Variants in TTBK2 observed in about 807,000 individuals in gnomAD.
TTBK2 encodes the protein tau-tubulin kinase 2.
In TTBK2, 28 loss-of-function variants were observed where a neutral mutation model predicts 110.8. That is an observed-to-expected ratio of 0.25 (90% confidence interval 0.19 to 0.35). The LOEUF is 0.35. TTBK2 is among the 10% of genes least tolerant of loss of function. TTBK2 has a pLI of 1.00. For missense variants in TTBK2, 1,369 were observed against 1,500.3 expected (o/e 0.91, Z 1.45); for synonymous variants, 532 against 527.3 (o/e 1.01, Z -0.12).
intron 1 of TTBK2, among the ~76,000 whole-genome samples, chr15:42,918,457 G>A (rs1407561700): frequency 6.6e-6 from 1 of 152,068 alleles, no homozygotes; most frequent in Non-Finnish European, 1.5e-5. Flanking sequence ...TCTCTCATGA[G>A]TTGCAATCAA....
Position 42,752,664 on chromosome 15 carries a change from G to A in TTBK2, c.2582C>T (p.Pro861Leu), listed in dbSNP as rs377202158. ...TSEISSRDID[P>L]HVEGQIGQVA... is the part of the protein sequence containing the mutation. ...TTGGCCTATCTGACCTTCAACATGTGGGTCAATGTCTCTGGAAGAAATTTC... is the reference window on the plus strand; with the variant it reads ...TTGGCCTATCTGACCTTCAACATGTAGGTCAATGTCTCTGGAAGAAATTTC... Residue 861 changes from proline to leucine, a missense_variant, in exon 14 of 15, where the codon CCA (proline) becomes CTA (leucine). Transcript: ENST00000267890. The A allele has an allele frequency of 3.1e-6, 5 of 1,614,002 alleles. No individual in the cohort carries two copies. The East Asian group carries it at 1.1e-4, about 36-fold the overall frequency.
At chr15:42,875,111 G>A (rs561159660) in intron 2 of TTBK2, among the ~76,000 whole-genome samples, 6 of 152,206 alleles carry the variant, frequency 3.9e-5, no homozygotes, top group East Asian at 3.9e-4. Context: ...GGTAGAGGTA[G>A]CTTCACGTTT....
chr15:42,861,538 A>C (rs1392746712), intron 3 of TTBK2, among the ~76,000 whole-genome samples: 2 of 152,212 alleles, frequency 1.3e-5, no homozygotes, highest in African/African-American at 4.8e-5. Context: ...AAAATCATTG[A>C]AATTAATAAA....
chr15:42,861,605 A>G (rs1320846615), intron 3 of TTBK2, among the ~76,000 whole-genome samples: 2 of 152,070 alleles, frequency 1.3e-5, no homozygotes, highest in African/African-American at 2.4e-5. Context: ...TGTTAAGAGG[A>G]AAGTTTGTAG....
chr15:42,766,304 A>T (rs1389835475), intron 13 of TTBK2, among the ~76,000 whole-genome samples: 1 of 151,988 alleles, frequency 6.6e-6, no homozygotes, highest in East Asian at 1.9e-4. Flanking sequence ...TAAATGCCCC[A>T]ATTAAAAGAC....
rs1567040860 is a variant in TTBK2, at chr15:42,816,092, ATAT to A, written c.603+937_603+939del. On this transcript the variant is annotated intron_variant, in intron 7 of 14. Transcript: ENST00000267890. Reference sequence around the variant, plus strand: ...TATAAAAATAAATAAATAAATATATATATATATATATATATATATATATATATG... The same window carrying A: ...TATAAAAATAAATAAATAAATATATAATATATATATATATATATATATATG... Among the ~76,000 whole-genome samples, 150 of 108,012 alleles carry A rather than the reference ATAT, an allele frequency of 1.4e-3. 11 individuals carry two copies. In the East Asian group the frequency reaches 0.04, roughly 29 times the overall value. 70.9% of individuals were successfully genotyped at this position (108,012 alleles called of 152,430 possible). A position where few individuals can be genotyped will look rare whatever the true frequency, so the allele number is the denominator to read the frequency against.
In TTBK2 at chr15:42,783,459, A is replaced by T. The variant is rs547332107; in HGVS notation, c.1157T>A (p.Met386Lys). The change falls in exon 11 of 15, where the codon ATG becomes AAG. Residue 386 changes from methionine to lysine, a missense_variant. Physicochemically the swap from Met to Lys is moderately conservative, Grantham distance 95 (BLOSUM62 -1). Around this residue, in one of 4 missense-constraint regions of TTBK2, gnomAD observed 1,097 missense variants for 1,114.7 expected, o/e 0.98. Transcript: ENST00000267890. Reference sequence around the variant, plus strand: ...CTTTATCTTGTTTTTGTTGGCATCCATCTCTTCCCAAACATCCTTCTCCTG... The same window carrying T: ...CTTTATCTTGTTTTTGTTGGCATCCTTCTCTTCCCAAACATCCTTCTCCTG... ...RPQEKDVWEE[M>K]DANKNKIKLG... is the part of the protein sequence containing the mutation. The T allele has an allele frequency of 1.2e-6, 2 of 1,614,148 alleles. No individual in the cohort carries two copies. Among genetic ancestry groups the T allele is most frequent in the Admixed American group, 3.3e-5 (2 of 60,018 alleles).
Position 42,742,522 on chromosome 15 carries a change from A to T in TTBK2, c.*3273T>A, listed in dbSNP as rs2140537756. ...GATTTTACTATTTCAACCAATCCATAGACCCTGAGGATTTGGCAGCAGAAT... is the reference window on the plus strand; with the variant it reads ...GATTTTACTATTTCAACCAATCCATTGACCCTGAGGATTTGGCAGCAGAAT... On this transcript the variant is annotated 3_prime_UTR_variant, in exon 15 of 15. Transcript: ENST00000267890. 1 of 152,350 alleles carries T rather than the reference A, an allele frequency of 6.6e-6. No individual in the cohort carries two copies. Among genetic ancestry groups the T allele is most frequent in the South Asian group, 2.1e-4 (1 of 4,830 alleles). The allele number at this position is 152,350 out of a possible 1,614,324, so 9.4% of individuals were successfully genotyped here.
intron 1 of TTBK2, among the ~76,000 whole-genome samples, chr15:42,915,910 C>T (rs1263437028): frequency 1.3e-5 from 2 of 151,978 alleles, no homozygotes; most frequent in Non-Finnish European, 2.9e-5. Flanking sequence ...TCATGGCACT[C>T]CAGCCTGGGC....
chr15:42,911,088 C>T (rs1043707514), intron 1 of TTBK2, among the ~76,000 whole-genome samples: 2 of 150,642 alleles, frequency 1.3e-5, no homozygotes, highest in African/African-American at 4.9e-5. Context: ...AGTTAACCTA[C>T]ATCAATTTGT....
At position 42,817,132 on chromosome 15, in the gene TTBK2, C is replaced by T. The variant is rs777046473; in HGVS notation, c.538-35G>A. On this transcript the variant is annotated intron_variant, in intron 6 of 14. Coordinates refer to ENST00000267890, the MANE Select transcript of TTBK2 (RefSeq NM_173500.4). ...AGCCATGCAAAGAATAATAAATGAG[C>T]TTCAAACAGCAATACATTCAGCACA... 2.7e-5 allele frequency: 43 copies of T among 1,574,616 alleles called. No homozygotes were observed. The East Asian group carries it at 9.8e-4, about 36-fold the overall frequency.
At chr15:42,797,209 G>C (rs1595920072) in intron 9 of TTBK2, among the ~76,000 whole-genome samples, 1 of 152,250 alleles carries the variant, frequency 6.6e-6, no homozygotes, top group African/African-American at 2.4e-5. Flanking sequence ...TGAGCACTTA[G>C]ACTGCCACTG....
chr15:42,918,656 A>C (rs1295399010), intron 1 of TTBK2, among the ~76,000 whole-genome samples: 2 of 152,196 alleles, frequency 1.3e-5, no homozygotes, highest in Admixed American at 6.5e-5. Context: ...AATACGCTCG[A>C]AAATGGTCTA....
chr15:42,781,553 C>T (rs1277367343), intron 11 of TTBK2, among the ~76,000 whole-genome samples: 2 of 152,002 alleles, frequency 1.3e-5, no homozygotes, highest in Admixed American at 1.3e-4. Flanking sequence ...AGCTACCTCC[C>T]CAACATTTTG....
At chr15:42,860,312 T>C (rs1017753447) in intron 3 of TTBK2, among the ~76,000 whole-genome samples, 12 of 151,796 alleles carry the variant, frequency 7.9e-5, no homozygotes, top group African/African-American at 2.4e-5. Context: ...CATCTAAACA[T>C]ACTATTTTCT....
chr15:42,897,680 T>G (rs1403127938), intron 1 of TTBK2, among the ~76,000 whole-genome samples: 1 of 152,186 alleles, frequency 6.6e-6, no homozygotes. Context: ...AGATGTGTTT[T>G]AGGCATTTTT....
chr15:42,845,650 A>AG (rs1893426490), intron 3 of TTBK2, among the ~76,000 whole-genome samples: 1 of 151,314 alleles, frequency 6.6e-6, no homozygotes, highest in East Asian at 1.9e-4. Flanking sequence ...AAAAAAAAAA[A>AG]AAAAAAAAAA....
chr15:42,795,035 G>A (rs912543267), intron 9 of TTBK2, among the ~76,000 whole-genome samples: 7 of 152,150 alleles, frequency 4.6e-5, no homozygotes, highest in African/African-American at 1.7e-4. Context: ...ACATAATGAA[G>A]CATCATATCT....
rs559488125 is a variant in TTBK2 at position 42,884,644 on chromosome 15, G to A, written c.-67-5960C>T. On this transcript the variant is annotated intron_variant, in intron 1 of 14. Coordinates refer to ENST00000267890, the MANE Select transcript of TTBK2 (RefSeq NM_173500.4). Reference sequence around the variant, plus strand: ...TTCGGCCCCACTCACAAGCTCTGGGGAGGAGAGAGATGCTGAAGGTTGAGT... The same window carrying A: ...TTCGGCCCCACTCACAAGCTCTGGGAAGGAGAGAGATGCTGAAGGTTGAGT... 6.9e-4 allele frequency among the ~76,000 whole-genome samples: 105 copies of A among 152,322 alleles called. 2 individuals carry two copies. In the South Asian group the frequency reaches 0.022, roughly 32 times the overall value.
Sources: allele counts gnomAD v4.1 joint callset (sites outside exome capture counted in the v4.1 genomes callset), GRCh38; gene constraint gnomAD v4.1.1; regional missense constraint gnomAD v4.1.1; transcripts MANE v1.5; gene names NCBI Gene and HGNC (gene_info 2026-07-23, HGNC 2026-07-21).